The following STK32C variants were observed in gnomAD, a reference collection of about 807,000 sequenced individuals.
The protein encoded by STK32C is serine/threonine kinase 32C.
STK32C carries 31 observed loss-of-function variants against 56.5 expected under a neutral mutation model. The observed-to-expected ratio is 0.55, with a 90% CI of 0.41 to 0.74. The LOEUF (loss-of-function observed/expected upper bound fraction) is 0.74, where lower values mean the gene tolerates loss of function less well. Among genes scored for constraint, STK32C ranks in the 30% least tolerant of loss-of-function variants. The probability of loss-of-function intolerance (pLI) is 0.00; values close to 1 mark genes in which losing one functional copy is unlikely to be tolerated. For missense variants in STK32C, 544 were observed against 676.9 expected, an observed-to-expected ratio of 0.80 and a Z score of 2.18; for synonymous variants, 309 against 289.4, an observed-to-expected ratio of 1.07 and a Z score of -0.69.
At chr10:132,237,218 G>A (rs1345716728) in intron 2 of STK32C, among the ~76,000 whole-genome samples, 3 of 152,082 alleles carry the variant, frequency 2.0e-5, no homozygotes, top group African/African-American at 7.2e-5. Context: ...GTGCTCCCTG[G>A]GCTCACAGGC....
At chr10:132,290,826 C>T (rs779876195) in intron 1 of STK32C, among the ~76,000 whole-genome samples, 1 of 151,862 alleles carries the variant, frequency 6.6e-6, no homozygotes, top group African/African-American at 2.4e-5. Context: ...CTACCATGCT[C>T]GAGGGCACCC....
At chr10:132,250,215 G>A (rs1251333898) in intron 1 of STK32C, among the ~76,000 whole-genome samples, 3 of 152,276 alleles carry the variant, frequency 2.0e-5, no homozygotes, top group Admixed American at 1.3e-4. Context: ...AGCACCCTGA[G>A]GACAGGTGTG....
intron 10 of STK32C, among the ~76,000 whole-genome samples, chr10:132,215,215 T>A (rs1457581381): frequency 6.6e-6 from 1 of 152,172 alleles, no homozygotes; most frequent in Non-Finnish European, 1.5e-5. Flanking sequence ...GGTCTCGCCA[T>A]GTTGCCCAGC....
At chr10:132,233,179 G>T (rs1224333205) in intron 2 of STK32C, among the ~76,000 whole-genome samples, 1 of 152,132 alleles carries the variant, frequency 6.6e-6, no homozygotes, top group Non-Finnish European at 1.5e-5. Flanking sequence ...TGCCCAGGAC[G>T]GGGCTGGAGA....
At chr10:132,302,794 C>T (rs1262959470) in intron 1 of STK32C, among the ~76,000 whole-genome samples, 2 of 152,192 alleles carry the variant, frequency 1.3e-5, no homozygotes, top group Non-Finnish European at 1.5e-5. Flanking sequence ...GAGGAGCTGT[C>T]CCCAGCCCTC....
At chr10:132,266,912 T>C (rs773400894) in intron 1 of STK32C, among the ~76,000 whole-genome samples, 1 of 151,452 alleles carries the variant, frequency 6.6e-6, no homozygotes, top group Admixed American at 6.6e-5. Context: ...GGAGTGACAA[T>C]GGACACTGGG....
intron 1 of STK32C, among the ~76,000 whole-genome samples, chr10:132,302,115 G>A (rs1213449885): frequency 3.3e-5 from 5 of 152,194 alleles, no homozygotes; most frequent in Non-Finnish European, 5.9e-5. Flanking sequence ...GAGTGGTCCC[G>A]GCTCCGTGTG....
intron 10 of STK32C, among the ~76,000 whole-genome samples, chr10:132,213,958 G>C (rs566384123): frequency 1.3e-5 from 2 of 151,008 alleles, no homozygotes; most frequent in Non-Finnish European, 2.9e-5. Context: ...GAAACTTCTC[G>C]AACTGAAATG....
chr10:132,302,919 C>T (rs754194689), intron 1 of STK32C, among the ~76,000 whole-genome samples: 6 of 152,276 alleles, frequency 3.9e-5, no homozygotes, highest in East Asian at 3.9e-4. Context: ...TCCAAGGCAA[C>T]GTGACAGACC....
At chr10:132,331,945 C>A, upstream of STK32C, 1 of 571,478 alleles carries the variant, frequency 1.7e-6, no homozygotes, top group Non-Finnish European at 2.9e-6. Context: ...AACCCCCCGC[C>A]CCAGCGCAGG....
chr10:132,280,157 A>T (rs2065124401), intron 1 of STK32C, among the ~76,000 whole-genome samples: 1 of 145,880 alleles, frequency 6.9e-6, no homozygotes, highest in South Asian at 2.2e-4. Context: ...GCACTCTGTG[A>T]TCACGCCCCT....
chr10:132,233,433 C>A lies in STK32C; in HGVS notation c.319-5305G>T, dbSNP rs576076315. 6.6e-5 allele frequency among the ~76,000 whole-genome samples: 10 copies of A among 152,348 alleles called. No individual in the cohort carries two copies. The East Asian group carries it at 1.5e-3, about 23-fold the overall frequency. On this transcript the variant is annotated intron_variant, in intron 2 of 11. Coordinates refer to ENST00000298630, the MANE Select transcript of STK32C (RefSeq NM_173575.4). Reference sequence around the variant, plus strand: ...TCCCTGGATGAGCTCAGGATTCTAACGCGGTGAGTGGGAATCCGTTTTGGG... The same window carrying A: ...TCCCTGGATGAGCTCAGGATTCTAAAGCGGTGAGTGGGAATCCGTTTTGGG...
chr10:132,211,048 A>G (rs1349788430), intron 10 of STK32C, among the ~76,000 whole-genome samples: 1 of 152,042 alleles, frequency 6.6e-6, no homozygotes, highest in African/African-American at 2.4e-5. Flanking sequence ...TCTCCTCTCC[A>G]TGTGGCTCTC....
chr10:132,235,495 A>C (rs1370075140), intron 2 of STK32C, among the ~76,000 whole-genome samples: 5 of 142,474 alleles, frequency 3.5e-5, no homozygotes, highest in East Asian at 2.0e-4. Flanking sequence ...ACTCAGCCTT[A>C]AAAAAAAAAA....
intron 2 of STK32C, among the ~76,000 whole-genome samples, chr10:132,242,748 C>G (rs530323558): frequency 1.3e-5 from 2 of 152,206 alleles, no homozygotes; most frequent in Non-Finnish European, 2.9e-5. Context: ...GCCCTGCACA[C>G]GTAACACTAA....
At chr10:132,249,185 G>C (rs1417775522) in intron 1 of STK32C, 16 of 380,632 alleles carry the variant, frequency 4.2e-5, no homozygotes, top group African/African-American at 2.5e-4. Context: ...GGGGGTCAGG[G>C]CGTGTCAGGG....
intron 1 of STK32C, among the ~76,000 whole-genome samples, chr10:132,276,866 G>C (rs894808108): frequency 5.9e-5 from 9 of 152,104 alleles, no homozygotes; most frequent in Non-Finnish European, 8.8e-5. Flanking sequence ...AAGAGTCCAG[G>C]TCAGATGCAG....
chr10:132,253,389 A>G (rs2063976533), intron 1 of STK32C, among the ~76,000 whole-genome samples: 1 of 138,632 alleles, frequency 7.2e-6, no homozygotes, highest in Non-Finnish European at 1.5e-5. Context: ...GAGCCGAGGT[A>G]GCTGGAGGGA....
chr10:132,282,457 GCCTGCGCCCACCTGTA>G (rs1481840808), intron 1 of STK32C, among the ~76,000 whole-genome samples: 56 of 122,440 alleles, frequency 4.6e-4, no homozygotes, highest in South Asian at 1.7e-3. Flanking sequence ...ACCCACCTGT[GCCTGCGCCCACCTGTA>G]CCTGCGCCCA....
Sources: gnomAD v4.1 joint callset for allele counts (sites outside exome capture counted in the v4.1 genomes callset) on GRCh38, gnomAD v4.1.1 for gene constraint, MANE v1.5 for transcripts, NCBI Gene and HGNC (gene_info 2026-07-23, HGNC 2026-07-21) for gene names.